The following PCDH11X variants were observed in gnomAD, a reference collection of about 807,000 sequenced individuals.
PCDH11X encodes protocadherin-11 X-linked.
PCDH11X carries 18 observed loss-of-function variants against 53.3 expected under a neutral mutation model. The ratio of observed to expected loss-of-function variants is 0.34; its 90% CI spans 0.23 to 0.50. The LOEUF is 0.50. Ranked by LOEUF, PCDH11X falls within the 20% of genes least tolerant of loss-of-function variation. The pLI is 0.98. For missense variants in PCDH11X, 570 were observed against 1,032.4 expected (o/e 0.55, Z 6.14); for synonymous variants, 279 against 393.3 (o/e 0.71, Z 3.44).
chrX:91,960,230 A>G (rs2061767941), intron 6 of PCDH11X, among the ~76,000 whole-genome samples: 1 of 102,669 alleles, frequency 9.7e-6, no homozygotes, highest in South Asian at 4.4e-4. Context: ...TTGCCTCTTC[A>G]TTTTATTGTT....
At chrX:91,786,931 A>T (rs999096838) in intron 1 of PCDH11X, among the ~76,000 whole-genome samples, 1 of 111,725 alleles carries the variant, frequency 9.0e-6, no homozygotes, top group Non-Finnish European at 1.9e-5. Context: ...AATTTCAAAG[A>T]CAAGTATATT....
chrX:92,272,923 T>A (rs2067990717), intron 8 of PCDH11X, among the ~76,000 whole-genome samples: 1 of 112,882 alleles, frequency 8.9e-6, no homozygotes, highest in Admixed American at 9.4e-5. Context: ...CCTTCTTGAA[T>A]AAAACTAAAT....
At chrX:92,422,398 G>A (rs1292923598) in intron 9 of PCDH11X, among the ~76,000 whole-genome samples, 1 of 109,777 alleles carries the variant, frequency 9.1e-6, no homozygotes, top group East Asian at 2.9e-4. Context: ...AGTTATGAGT[G>A]AGAAAATATG....
At chrX:92,406,105 A>C (rs1173901264) in intron 9 of PCDH11X, among the ~76,000 whole-genome samples, 4 of 107,211 alleles carry the variant, frequency 3.7e-5, no homozygotes, top group Non-Finnish European at 5.8e-5. Flanking sequence ...TCTCAAAAAA[A>C]AAAAAAAAAA....
intron 6 of PCDH11X, among the ~76,000 whole-genome samples, chrX:92,054,812 C>T (rs2063420974): frequency 1.6e-5 from 1 of 63,394 alleles, no homozygotes; most frequent in South Asian, 1.3e-3. Context: ...AAGAGTGAAA[C>T]TCTGTCTCAA....
chrX:92,175,364 G>T (rs2065889133), intron 6 of PCDH11X, among the ~76,000 whole-genome samples: 1 of 111,490 alleles, frequency 9.0e-6, no homozygotes. Flanking sequence ...ATGAAAATCT[G>T]CCACAGCCTA....
In PCDH11X at chrX:92,107,284, T is replaced by G. The variant is rs189276437; in HGVS notation, c.3034-94091T>G. On this transcript the variant is annotated intron_variant, in intron 6 of 10. Coordinates refer to ENST00000682573, the MANE Select transcript of PCDH11X (RefSeq NM_032968.5). The stretch of plus-strand genomic sequence containing the variant: ...CCACCCTGGGCATATTTTCAGGGCC[T>G]CTTGAGGCTGTGTCATGGGCATGTC... Among the ~76,000 whole-genome samples the G allele has an allele frequency of 3.6e-3, 400 of 112,151 alleles. 1 individual carries two copies. Among genetic ancestry groups the G allele is most frequent in the Admixed American group, 6.6e-3 (70 of 10,547 alleles).
At chrX:91,938,717 C>T (rs1447786973) in intron 6 of PCDH11X, among the ~76,000 whole-genome samples, 2 of 110,772 alleles carry the variant, frequency 1.8e-5, no homozygotes, top group Non-Finnish European at 3.8e-5. Flanking sequence ...CCTGTTTCTA[C>T]TAGTCAGACT....
intron 6 of PCDH11X, among the ~76,000 whole-genome samples, chrX:92,075,720 C>T (rs1211914030): frequency 8.9e-6 from 1 of 111,735 alleles, no homozygotes; most frequent in East Asian, 2.8e-4. Context: ...TCCAGATCCA[C>T]AAAATTTACT....
chrX:92,033,227 G>C, intron 6 of PCDH11X, among the ~76,000 whole-genome samples: 1 of 110,367 alleles, frequency 9.1e-6, no homozygotes, highest in Non-Finnish European at 1.9e-5. Flanking sequence ...CTTTGCTTTT[G>C]GTATGAGAGT....
At chrX:91,869,548 A>G (rs929770495) in intron 5 of PCDH11X, among the ~76,000 whole-genome samples, 1 of 111,347 alleles carries the variant, frequency 9.0e-6, no homozygotes, top group African/African-American at 3.3e-5. Context: ...GGTTGAATAT[A>G]CTATATTTTT....
intron 5 of PCDH11X, among the ~76,000 whole-genome samples, chrX:91,867,279 AC>A (rs750403655): frequency 9.0e-6 from 1 of 111,677 alleles, no homozygotes; most frequent in Non-Finnish European, 1.9e-5. Flanking sequence ...CCCAAACATA[AC>A]TTAAATCACT....
chrX:92,196,640 G>GT (rs1434704241), intron 6 of PCDH11X, among the ~76,000 whole-genome samples: 1 of 111,353 alleles, frequency 9.0e-6, no homozygotes, highest in Admixed American at 9.6e-5. Context: ...AAACCTCTAA[G>GT]TAACTGGAAT....
intron 6 of PCDH11X, chrX:92,113,332 G>A: frequency 1.7e-6 from 2 of 1,197,558 alleles, no homozygotes; most frequent in Non-Finnish European, 2.2e-6. Flanking sequence ...GTCTTCTTCT[G>A]TCACCATGTT....
intron 8 of PCDH11X, among the ~76,000 whole-genome samples, chrX:92,295,408 T>C (rs1041171394): frequency 9.0e-6 from 1 of 111,166 alleles, no homozygotes; most frequent in Non-Finnish European, 1.9e-5. Flanking sequence ...GAATATTCTA[T>C]ATACAGGATC....
At chrX:91,916,338 C>T in intron 6 of PCDH11X, among the ~76,000 whole-genome samples, 1 of 110,076 alleles carries the variant, frequency 9.1e-6, no homozygotes, top group African/African-American at 3.3e-5. Context: ...CAGAGCTGAA[C>T]TATATGAAAT....
chrX:92,341,523 C>T (rs2069758802), intron 8 of PCDH11X, among the ~76,000 whole-genome samples: 1 of 111,347 alleles, frequency 9.0e-6, no homozygotes, highest in Admixed American at 9.6e-5. Flanking sequence ...GGCATCTGTT[C>T]AGCTTTTGGG....
intron 6 of PCDH11X, among the ~76,000 whole-genome samples, chrX:91,971,839 C>G (rs996552643): frequency 9.0e-6 from 1 of 110,898 alleles, no homozygotes. Flanking sequence ...TTGATAAGCT[C>G]TAAATGAACA....
chrX:92,604,208 A>C (rs1926544891), intron 10 of PCDH11X, among the ~76,000 whole-genome samples: 1 of 110,052 alleles, frequency 9.1e-6, no homozygotes, highest in Non-Finnish European at 1.9e-5. Context: ...ATTTATAATT[A>C]TGTACTACTC....
Sources: gnomAD v4.1 joint callset for allele counts (sites outside exome capture counted in the v4.1 genomes callset) on GRCh38, gnomAD v4.1.1 for gene constraint, MANE v1.5 for transcripts, NCBI Gene and HGNC (gene_info 2026-07-23, HGNC 2026-07-21) for gene names.